Variants in NIPAL2 observed in about 807,000 individuals in gnomAD.
The protein encoded by NIPAL2 is NIPA-like protein 2.
NIPAL2 carries 43 observed loss-of-function variants against 48.9 expected under a neutral mutation model. The observed-to-expected ratio is 0.88, with a 90% CI of 0.69 to 1.13. NIPAL2 has a LOEUF of 1.13. NIPAL2 is among the 50% of genes most tolerant of loss of function. The pLI is 0.00. For missense variants in NIPAL2, 446 were observed against 461.4 expected (o/e 0.97, Z 0.31); for synonymous variants, 167 against 174.6 (o/e 0.96, Z 0.34).
At chr8:98,273,168 A>G (rs996223446) in intron 1 of NIPAL2, among the ~76,000 whole-genome samples, 3 of 152,202 alleles carry the variant, frequency 2.0e-5, no homozygotes, top group African/African-American at 7.2e-5. Flanking sequence ...ATATAATGGA[A>G]GATTATTCAG....
chr8:98,280,109 G>A (rs985981255), intron 1 of NIPAL2, among the ~76,000 whole-genome samples: 1 of 152,196 alleles, frequency 6.6e-6, no homozygotes, highest in African/African-American at 2.4e-5. Flanking sequence ...ATTGTGGAGC[G>A]AAAGCAGTGA....
At chr8:98,244,028 C>G (rs555755918) in intron 3 of NIPAL2, among the ~76,000 whole-genome samples, 30 of 152,042 alleles carry the variant, frequency 2.0e-4, no homozygotes, top group African/African-American at 7.2e-4. Context: ...TTTATTATCA[C>G]TTCTTAAAGA....
At chr8:98,250,086 T>G (rs1183463707) in intron 3 of NIPAL2, among the ~76,000 whole-genome samples, 1 of 152,092 alleles carries the variant, frequency 6.6e-6, no homozygotes, top group African/African-American at 2.4e-5. Flanking sequence ...CTATTGTAAG[T>G]GTTCTGGATT....
chr8:98,241,365 C>T (rs1812972359), intron 3 of NIPAL2, among the ~76,000 whole-genome samples: 2 of 152,338 alleles, frequency 1.3e-5, no homozygotes, highest in East Asian at 1.9e-4. Flanking sequence ...TTTCCACACA[C>T]AATTTTAAGG....
intron 6 of NIPAL2, among the ~76,000 whole-genome samples, chr8:98,208,110 C>T (rs1811125132): frequency 6.6e-6 from 1 of 152,208 alleles, no homozygotes; most frequent in Non-Finnish European, 1.5e-5. Context: ...CAGTCACACT[C>T]TGTTGTACAG....
intron 1 of NIPAL2, among the ~76,000 whole-genome samples, chr8:98,264,783 T>G (rs1182920684): frequency 6.6e-6 from 1 of 152,092 alleles, no homozygotes; most frequent in Non-Finnish European, 1.5e-5. Flanking sequence ...AAAACTACTT[T>G]AAAGTTCATA....
At position 98,252,614 on chromosome 8, in the gene NIPAL2, C is replaced by A; in HGVS notation, c.225G>T (p.Leu75=). The change falls in exon 3 of 11, where the codon CTG becomes CTT. Residue 75 remains leucine, a synonymous_variant. Coordinates refer to ENST00000430223, the MANE Select transcript of NIPAL2 (RefSeq NM_001321635.2). The part of the protein sequence containing the change: ...LNIQKYSHLQ[L]AQQEHPRPYF... ...ATGGCCTTGGGTGCTCTTGTTGTGC[C>A]AGCTGAAGGTGAGAATATTTCTGAA... The A allele has an allele frequency of 6.2e-7, 1 of 1,612,204 alleles. No individual in the cohort carries two copies. Among genetic ancestry groups the A allele is most frequent in the Non-Finnish European group, 8.5e-7 (1 of 1,179,496 alleles).
intron 1 of NIPAL2, among the ~76,000 whole-genome samples, chr8:98,260,918 G>A (rs1284319077): frequency 2.0e-5 from 3 of 151,694 alleles, no homozygotes; most frequent in African/African-American, 4.8e-5. Context: ...CTCCCAGCAC[G>A]CAGCTGGAGA....
chr8:98,293,777 C>T (rs1015408482), intron 1 of NIPAL2, among the ~76,000 whole-genome samples: 3 of 152,220 alleles, frequency 2.0e-5, no homozygotes, highest in Non-Finnish European at 2.9e-5. Context: ...GCGCCCACTC[C>T]CAGTGCCGGG....
intron 10 of NIPAL2, among the ~76,000 whole-genome samples, chr8:98,193,942 A>C (rs995129498): frequency 1.3e-5 from 2 of 152,238 alleles, no homozygotes; most frequent in Non-Finnish European, 2.9e-5. Context: ...CGAATGGCAA[A>C]GAGAACACAG....
chr8:98,212,472 G>A lies in NIPAL2; in HGVS notation c.588C>T (p.Leu196=). The A allele has an allele frequency of 6.5e-7, 1 of 1,534,014 alleles. No homozygotes were observed. The highest frequency in any genetic ancestry group is 9.0e-7 in the Non-Finnish European group (1 of 1,108,226). ...TTCCTTTTCTTTTATAGAAATACAG[G>A]AGAATGCAGAAAATTAATATTTCTA... ...VILEILIFCI[L]LYFYKRKGMK... The change falls in exon 6 of 11, where the codon CTC becomes CTT. Residue 196 remains leucine, a synonymous_variant. Coordinates refer to ENST00000430223, the MANE Select transcript of NIPAL2 (RefSeq NM_001321635.2).
At chr8:98,208,279 G>A (rs1235429223) in intron 6 of NIPAL2, among the ~76,000 whole-genome samples, 1 of 152,050 alleles carries the variant, frequency 6.6e-6, no homozygotes, top group Non-Finnish European at 1.5e-5. Context: ...TTCCCTCTTA[G>A]ATTTTCATCA....
At chr8:98,277,251 G>T (rs143971490) in intron 1 of NIPAL2, among the ~76,000 whole-genome samples, 9 of 152,122 alleles carry the variant, frequency 5.9e-5, no homozygotes, top group African/African-American at 2.2e-4. Flanking sequence ...TCACCTGGGC[G>T]GACACAGTGG....
intron 3 of NIPAL2, among the ~76,000 whole-genome samples, chr8:98,238,922 T>C (rs1245037261): frequency 1.3e-5 from 2 of 152,146 alleles, no homozygotes; most frequent in African/African-American, 4.8e-5. Flanking sequence ...TTTCCCATGG[T>C]AGAGCATGAG....
At chr8:98,238,085 G>A (rs1381466862) in intron 3 of NIPAL2, among the ~76,000 whole-genome samples, 2 of 152,106 alleles carry the variant, frequency 1.3e-5, no homozygotes, top group Admixed American at 6.5e-5. Context: ...CCTCACAGTC[G>A]AGCCATCGTC....
chr8:98,215,683 C>T (rs1227903538), intron 5 of NIPAL2, among the ~76,000 whole-genome samples: 1 of 152,102 alleles, frequency 6.6e-6, no homozygotes, highest in Non-Finnish European at 1.5e-5. Flanking sequence ...GGTCTAATCT[C>T]TAGAAGCTGT....
intron 1 of NIPAL2, among the ~76,000 whole-genome samples, chr8:98,270,111 G>T (rs1468284624): frequency 3.9e-5 from 6 of 152,090 alleles, no homozygotes; most frequent in Non-Finnish European, 7.4e-5. Context: ...TTGACTCCAT[G>T]TCTTTGCTAT....
chr8:98,260,567 C>T (rs1156312461), intron 1 of NIPAL2, among the ~76,000 whole-genome samples: 15 of 152,156 alleles, frequency 9.9e-5, no homozygotes, highest in African/African-American at 1.2e-4. Context: ...TGCGCTTTTC[C>T]GACGGGCTTA....
chr8:98,202,867 T>C (rs1306813778), intron 8 of NIPAL2, among the ~76,000 whole-genome samples: 1 of 152,186 alleles, frequency 6.6e-6, no homozygotes, highest in Admixed American at 6.5e-5. Context: ...AAACACTTTC[T>C]ACTTAGAAAT....
Sources: allele counts gnomAD v4.1 joint callset (sites outside exome capture counted in the v4.1 genomes callset), GRCh38; gene constraint gnomAD v4.1.1; transcripts MANE v1.5; gene names NCBI Gene and HGNC (gene_info 2026-07-23, HGNC 2026-07-21).